The following CCDC85C variants were observed in gnomAD, a reference collection of about 807,000 sequenced individuals.
The protein encoded by CCDC85C is coiled-coil domain containing 85C, also known as coiled-coil domain-containing protein 85C.
In CCDC85C, 18 loss-of-function variants were observed where a neutral mutation model predicts 38.3. That is an observed-to-expected ratio of 0.47 (90% CI 0.33 to 0.70). The LOEUF (loss-of-function observed/expected upper bound fraction) is 0.70, where lower values mean the gene tolerates loss of function less well. Ranked by LOEUF, CCDC85C falls within the 30% of genes least tolerant of loss-of-function variation. CCDC85C has a pLI of 0.03. For missense variants in CCDC85C, 566 were observed against 621.2 expected, an observed-to-expected ratio of 0.91 and a Z score of 0.94; for synonymous variants, 264 against 293.8, an observed-to-expected ratio of 0.90 and a Z score of 1.04.
chr14:99,550,664 G>T (rs1002953747), intron 1 of CCDC85C, among the ~76,000 whole-genome samples: 2 of 152,202 alleles, frequency 1.3e-5, no homozygotes, highest in African/African-American at 4.8e-5. Flanking sequence ...CAGACTAGGA[G>T]AAGACCAGCT....
At chr14:99,538,462 C>T (rs906413586) in intron 1 of CCDC85C, among the ~76,000 whole-genome samples, 2 of 152,224 alleles carry the variant, frequency 1.3e-5, no homozygotes, top group Non-Finnish European at 1.5e-5. Flanking sequence ...ACTGTGCTCC[C>T]GGGGATGGCC....
chr14:99,502,158 ATAAATAT>A lies in CCDC85C; in HGVS notation c.*13081_*13087del. 6.6e-7 allele frequency: 1 copy of A among 1,519,276 alleles called. No homozygotes were observed. The highest frequency in any genetic ancestry group is 8.8e-7 in the Non-Finnish European group (1 of 1,131,728). The allele number at this position is 1,519,276 out of a possible 1,614,324, so 94.1% of individuals were successfully genotyped here. A position where few individuals can be genotyped will look rare whatever the true frequency, so the allele number is the denominator to read the frequency against. On this transcript the variant is annotated 3_prime_UTR_variant, in exon 6 of 6. Transcript: ENST00000380243. ...GGCATCTCCATGCACTGGTTTAATC[ATAAATAT>A]TAGATCATATTATCTAACCTTTTTT...
chr14:99,559,724 C>G (rs1898079966), intron 1 of CCDC85C, among the ~76,000 whole-genome samples: 2 of 152,176 alleles, frequency 1.3e-5, no homozygotes, highest in East Asian at 1.9e-4. Context: ...TCTAGTTAAC[C>G]CGCTTGCAGG....
Position 99,535,822 on chromosome 14 carries a change from T to C in CCDC85C, c.867+193A>G, listed in dbSNP as rs537051630. 6.6e-6 allele frequency among the ~76,000 whole-genome samples: 1 copy of C among 152,234 alleles called. No individual in the cohort carries two copies. Among genetic ancestry groups the C allele is most frequent in the South Asian group, 2.1e-4 (1 of 4,826 alleles). The stretch of plus-strand genomic sequence containing the variant: ...CATACTGGGCAGTCAGCATGGAAGG[T>C]TGGGCAGAGGGAAGCCCAGAGGTGT... On this transcript the variant is annotated intron_variant, in intron 2 of 5. Transcript: ENST00000380243. The surrounding 1 kb of genome is among the most constrained non-coding windows in gnomAD (Gnocchi z 5.5).
intron 2 of CCDC85C, among the ~76,000 whole-genome samples, chr14:99,523,434 G>C (rs1159981558): frequency 6.6e-6 from 1 of 152,212 alleles, no homozygotes; most frequent in African/African-American, 2.4e-5. Flanking sequence ...CACTGGGGCT[G>C]GGAGGTCTCA....
intron 1 of CCDC85C, among the ~76,000 whole-genome samples, chr14:99,585,389 G>T (rs187511053): frequency 7.2e-5 from 11 of 152,326 alleles, no homozygotes; most frequent in African/African-American, 2.6e-4. Context: ...GGACCCCAGA[G>T]CCAGAGTGTA....
At chr14:99,600,622 C>A (rs1050949755) in intron 1 of CCDC85C, among the ~76,000 whole-genome samples, 7 of 152,214 alleles carry the variant, frequency 4.6e-5, no homozygotes, top group African/African-American at 1.7e-4. Context: ...AGGACAGGTA[C>A]TTCCAATGTC....
chr14:99,583,765 G>A (rs376927556), intron 1 of CCDC85C, among the ~76,000 whole-genome samples: 2 of 149,548 alleles, frequency 1.3e-5, no homozygotes, highest in Non-Finnish European at 3.0e-5. Flanking sequence ...CCGAGATCGC[G>A]TCACTGCGCT....
chr14:99,508,687 T>C lies in CCDC85C; in HGVS notation c.*6559A>G, dbSNP rs1897037111. On this transcript the variant is annotated 3_prime_UTR_variant, in exon 6 of 6. Coordinates refer to ENST00000380243, the MANE Select transcript of CCDC85C (RefSeq NM_001144995.2). Reference sequence around the variant, plus strand: ...TGTGGGACTTGGTCAGGAGCAAGTGTACAGAGAGGGAATGGGGTGCCCAGG... The same window carrying C: ...TGTGGGACTTGGTCAGGAGCAAGTGCACAGAGAGGGAATGGGGTGCCCAGG... The C allele has an allele frequency of 6.6e-6, 1 of 152,566 alleles. No individual in the cohort carries two copies. Among genetic ancestry groups the C allele is most frequent in the Non-Finnish European group, 1.5e-5 (1 of 68,320 alleles). The allele number at this position is 152,566 out of a possible 1,614,324, so 9.5% of individuals were successfully genotyped here.
intron 1 of CCDC85C, among the ~76,000 whole-genome samples, chr14:99,557,813 G>T (rs1042005987): frequency 6.6e-6 from 1 of 152,188 alleles, no homozygotes; most frequent in Non-Finnish European, 1.5e-5. Context: ...TACTTGAGAA[G>T]CCGAGGCACG....
intron 1 of CCDC85C, among the ~76,000 whole-genome samples, chr14:99,538,423 G>A (rs1194106869): frequency 6.6e-6 from 1 of 152,200 alleles, no homozygotes; most frequent in East Asian, 1.9e-4. Context: ...CGGCCACAGG[G>A]CCCCTGCTCA....
At chr14:99,562,922 C>T (rs766389201) in intron 1 of CCDC85C, among the ~76,000 whole-genome samples, 5 of 152,144 alleles carry the variant, frequency 3.3e-5, no homozygotes, top group Non-Finnish European at 5.9e-5. Context: ...CTCACTCTGT[C>T]TCTCCAGGGT....
chr14:99,590,614 A>C (rs1237192280), intron 1 of CCDC85C, among the ~76,000 whole-genome samples: 2 of 152,194 alleles, frequency 1.3e-5, no homozygotes, highest in Admixed American at 6.5e-5. Context: ...GGCTTAAAAA[A>C]AGAAAAAAAG....
chr14:99,542,906 T>A (rs764844470), intron 1 of CCDC85C, among the ~76,000 whole-genome samples: 1 of 152,204 alleles, frequency 6.6e-6, no homozygotes, highest in Non-Finnish European at 1.5e-5. Context: ...CCCTGTGAGC[T>A]GAGCCACCAG....
intron 1 of CCDC85C, among the ~76,000 whole-genome samples, chr14:99,566,802 G>C (rs992528385): frequency 7.9e-5 from 12 of 152,212 alleles, no homozygotes; most frequent in Admixed American, 7.2e-4. Context: ...GGGCCTGCAG[G>C]AGGCAGGCAG....
intron 1 of CCDC85C, among the ~76,000 whole-genome samples, chr14:99,565,593 T>C (rs1898200092): frequency 6.6e-6 from 1 of 152,204 alleles, no homozygotes; most frequent in Non-Finnish European, 1.5e-5. Context: ...CTGTGATTCA[T>C]GCAGCCAGGA....
intron 1 of CCDC85C, among the ~76,000 whole-genome samples, chr14:99,561,095 G>A (rs553250001): frequency 8.5e-5 from 13 of 152,342 alleles, no homozygotes; most frequent in Middle Eastern, 3.4e-3. Context: ...AAGCCACTGA[G>A]TGCTGAAGCC....
Position 99,522,115 on chromosome 14 carries a change from T to G in CCDC85C, c.975+18A>C, listed in dbSNP as rs1897310742. On this transcript the variant is annotated intron_variant, in intron 3 of 5. Coordinates refer to ENST00000380243, the MANE Select transcript of CCDC85C (RefSeq NM_001144995.2). ...CCCTCATCCAGAACATGTGGGCTTT[T>G]TTGGGGTGCACACTCACGTTCTGCA... is the stretch of plus-strand genomic sequence containing the variant. 10 of 1,536,304 alleles carry G rather than the reference T, an allele frequency of 6.5e-6. No homozygotes were observed. Among genetic ancestry groups the G allele is most frequent in the Non-Finnish European group, 8.8e-6 (10 of 1,133,842 alleles).
At position 99,501,263 on chromosome 14, in the gene CCDC85C, G is replaced by C. The variant is rs1896818544; in HGVS notation, c.*13983C>G. ...AAGCTCTTTGCTGTGTATTTGAGTG[G>C]TGCTGAACACGTGGTAGGTTTTTAA... is the stretch of plus-strand genomic sequence containing the variant. On this transcript the variant is annotated 3_prime_UTR_variant, in exon 6 of 6. Coordinates refer to ENST00000380243, the MANE Select transcript of CCDC85C (RefSeq NM_001144995.2). 2 of 814,336 alleles carry C rather than the reference G, an allele frequency of 2.5e-6. No homozygotes were observed. The highest frequency in any genetic ancestry group is 4.3e-6 in the Non-Finnish European group (2 of 466,904). The allele number at this position is 814,336 out of a possible 1,614,324, so 50.4% of individuals were successfully genotyped here. A position where few individuals can be genotyped will look rare whatever the true frequency, so the allele number is the denominator to read the frequency against.
Sources: gnomAD v4.1 joint callset for allele counts (sites outside exome capture counted in the v4.1 genomes callset) on GRCh38, gnomAD v4.1.1 for gene constraint, Gnocchi (gnomAD v3.1) non-coding constraint, MANE v1.5 for transcripts, NCBI Gene and HGNC (gene_info 2026-07-23, HGNC 2026-07-21) for gene names.